Variants in MYH9 observed in about 807,000 individuals in gnomAD.
MYH9 encodes myosin-9.
Under a neutral mutation model 241.9 loss-of-function variants are expected in MYH9, and 29 were observed. That is an observed-to-expected ratio of 0.12 (90% CI 0.09 to 0.16). The LOEUF is 0.16. MYH9 is among the 10% of genes least tolerant of loss of function. The pLI is 1.00. For missense variants in MYH9, 1,803 were observed against 2,595.5 expected (o/e 0.69, Z 6.63); for synonymous variants, 1,047 against 1,062.6 (o/e 0.99, Z 0.29).
chr22:36,316,767 T>TA lies in MYH9; in HGVS notation c.1228-99dup. 2.9e-6 allele frequency: 4 copies of TA among 1,378,106 alleles called. No individual in the cohort carries two copies. The South Asian group carries it at 4.8e-5, about 16-fold the overall frequency. 85.4% of individuals were successfully genotyped at this position (1,378,106 alleles called of 1,614,324 possible). On this transcript the variant is annotated intron_variant, in intron 11 of 40. Transcript: ENST00000216181. Reference sequence around the variant, plus strand: ...AATTTCACTTTTAGAGTCCTCCCCCTAGAGGAACAGCCCTAAGTATGTGGG... The same window carrying TA: ...AATTTCACTTTTAGAGTCCTCCCCCTAAGAGGAACAGCCCTAAGTATGTGGG...
intron 12 of MYH9, among the ~76,000 whole-genome samples, chr22:36,314,523 G>A (rs1167674086): frequency 3.9e-5 from 6 of 152,222 alleles, no homozygotes; most frequent in East Asian, 3.8e-4. Context: ...GCCAGTGACC[G>A]CGGGCAGTCT....
At chr22:36,340,159 G>C (rs2017561644) in intron 3 of MYH9, among the ~76,000 whole-genome samples, 1 of 151,602 alleles carries the variant, frequency 6.6e-6, no homozygotes, top group South Asian at 2.1e-4. Flanking sequence ...CAGAGTCACA[G>C]TGTTATTAGG....
intron 1 of MYH9, among the ~76,000 whole-genome samples, chr22:36,384,937 C>A (rs1459712175): frequency 6.6e-6 from 1 of 151,948 alleles, no homozygotes; most frequent in Non-Finnish European, 1.5e-5. Context: ...CTTTTGTCAG[C>A]AGAGGACTCC....
At chr22:36,319,694 G>C in intron 9 of MYH9, 59 bp from the exon 10 acceptor site, 1 of 1,528,194 alleles carries the variant, frequency 6.5e-7, no homozygotes, top group Non-Finnish European at 9.0e-7. Flanking sequence ...ATTCCCGGGG[G>C]TGGGGGCCAC....
In MYH9 at chr22:36,306,644, A is replaced by T. The variant is rs369952105; in HGVS notation, c.1844-37T>A. 2.6e-4 allele frequency: 422 copies of T among 1,596,576 alleles called. No individual in the cohort carries two copies. Among genetic ancestry groups the T allele is most frequent in the Non-Finnish European group, 3.5e-4 (410 of 1,172,674 alleles). The stretch of plus-strand genomic sequence containing the variant: ...ACAGAGAACACGTGAGTGCCCACAC[A>T]GTTGCAGCTGGGTGGTGGGGGAGCA... On this transcript the variant is annotated intron_variant, in intron 15 of 40. Transcript: ENST00000216181. The surrounding 1 kb of genome is among the most constrained non-coding windows in gnomAD (Gnocchi z 4.1).
intron 12 of MYH9, 99 bp from the exon 13 acceptor site, chr22:36,314,417 G>A: frequency 7.0e-7 from 1 of 1,430,534 alleles, no homozygotes; most frequent in Non-Finnish European, 9.7e-7. Flanking sequence ...TACAGGAAGG[G>A]CCTCCTTGGG....
chr22:36,284,397 C>T lies in MYH9; in HGVS notation c.5592+6G>A. The stretch of plus-strand genomic sequence containing the variant: ...GCCCTTCTCACTGCCCCACCAGCGC[C>T]CACACCTGGTCCTTGTACTGCTCGG... On this transcript the variant is annotated splice_donor_region_variant and intron_variant, in intron 39 of 40. Transcript: ENST00000216181. The T allele has an allele frequency of 6.2e-7, 1 of 1,611,904 alleles. No individual in the cohort carries two copies. The highest frequency in any genetic ancestry group is 8.5e-7 in the Non-Finnish European group (1 of 1,179,980).
At chr22:36,380,286 G>C (rs966779017) in intron 1 of MYH9, among the ~76,000 whole-genome samples, 3 of 152,186 alleles carry the variant, frequency 2.0e-5, no homozygotes, top group Non-Finnish European at 4.4e-5. Flanking sequence ...AAGGGGGGTA[G>C]GGCCCTCCCA....
chr22:36,360,831 G>A (rs2146405666), intron 1 of MYH9, among the ~76,000 whole-genome samples: 1 of 152,304 alleles, frequency 6.6e-6, no homozygotes, highest in South Asian at 2.1e-4. Flanking sequence ...GGTGAGATGG[G>A]CACAAAGCCT....
intron 24 of MYH9, among the ~76,000 whole-genome samples, chr22:36,297,586 G>A (rs1047775918): frequency 1.1e-4 from 16 of 152,174 alleles, no homozygotes; most frequent in African/African-American, 3.4e-4. Context: ...ATTCCCTGCC[G>A]TGCCTTTGCC....
At chr22:36,297,255 T>A in intron 24 of MYH9, 1 of 566,854 alleles carries the variant, frequency 1.8e-6, no homozygotes, top group South Asian at 2.0e-5. Context: ...AATTAAGTAC[T>A]CTCCTAAAGC....
intron 3 of MYH9, among the ~76,000 whole-genome samples, chr22:36,340,851 T>C (rs2017575884): frequency 6.6e-6 from 1 of 151,850 alleles, no homozygotes; most frequent in Non-Finnish European, 1.5e-5. Context: ...GAGGTGGGGA[T>C]AGAGGCAGTG....
rs139798339 is a variant in MYH9, at chr22:36,320,241, T to C, written c.991A>G (p.Ile331Val). The C allele has an allele frequency of 1.2e-6, 2 of 1,614,108 alleles. No individual in the cohort carries two copies. The highest frequency in any genetic ancestry group is 1.7e-6 in the Non-Finnish European group (2 of 1,180,052). ...GTACCCATTTGCTCCTCTTCTGGGATGCCCATAATCCTCATGGCCTCCATG... is the reference window on the plus strand; with the variant it reads ...GTACCCATTTGCTCCTCTTCTGGGACGCCCATAATCCTCATGGCCTCCATG... ...ETMEAMRIMG[I>V]PEEEQMGLLR... Residue 331 changes from isoleucine to valine, a missense_variant, in exon 9 of 41, where the codon ATC (isoleucine) becomes GTC (valine). Ile to Val is a conservative substitution (Grantham distance 29). Coordinates refer to ENST00000216181, the MANE Select transcript of MYH9 (RefSeq NM_002473.6). The surrounding 1 kb of genome is among the most constrained non-coding windows in gnomAD (Gnocchi z 4.8).
At chr22:36,323,068 C>G (rs1362217176) in intron 5 of MYH9, among the ~76,000 whole-genome samples, 1 of 152,252 alleles carries the variant, frequency 6.6e-6, no homozygotes, top group Non-Finnish European at 1.5e-5. Context: ...CCATGACAGG[C>G]AGTGAGCACG....
At chr22:36,358,457 C>G (rs1436689854) in intron 1 of MYH9, among the ~76,000 whole-genome samples, 3 of 152,116 alleles carry the variant, frequency 2.0e-5, no homozygotes, top group African/African-American at 7.2e-5. Flanking sequence ...GGATTATTTC[C>G]CGCCCAGAGC....
chr22:36,284,302 G>C, intron 39 of MYH9, 37 bp from the exon 40 acceptor site: 2 of 1,605,110 alleles, frequency 1.2e-6, no homozygotes, highest in Non-Finnish European at 1.7e-6. Context: ...GCCCCGGTTA[G>C]GGGCTCTGGG....
intron 28 of MYH9, 69 bp downstream of exon 28, chr22:36,294,023 C>T: frequency 6.4e-7 from 1 of 1,560,764 alleles, no homozygotes; most frequent in Non-Finnish European, 8.7e-7. Flanking sequence ...CACACATGCA[C>T]CTGGGGACCT....
chr22:36,293,874 CG>C lies in MYH9; in HGVS notation c.3838-12del. The C allele has an allele frequency of 6.2e-7, 1 of 1,609,818 alleles. No homozygotes were observed. Among genetic ancestry groups the C allele is most frequent in the Non-Finnish European group, 8.5e-7 (1 of 1,178,092 alleles). ...GTTGTCCAGCTCCACCTGCACCGGG[CG>C]GGGAGACACAAAGGACCATGGACCC... On this transcript the variant is annotated splice_polypyrimidine_tract_variant and intron_variant, in intron 28 of 40. Coordinates refer to ENST00000216181, the MANE Select transcript of MYH9 (RefSeq NM_002473.6). This position sits in a 1 kb window ranked among gnomAD's most constrained non-coding sequence, Gnocchi z 5.1.
In MYH9 at chr22:36,282,790, G is replaced by A. The variant is rs746967490; in HGVS notation, c.5766-5C>T. The A allele has an allele frequency of 9.6e-5, 154 of 1,607,820 alleles. No homozygotes were observed. The highest frequency in any genetic ancestry group is 1.3e-4 in the Non-Finnish European group (148 of 1,179,132). On this transcript the variant is annotated splice_region_variant and splice_polypyrimidine_tract_variant and intron_variant, in intron 40 of 40. Transcript: ENST00000216181. ...ACAAACGGCAGGTCCCCGCGCCTGG[G>A]GGCAGAGGTAGAAGCAGAGGGTCAG... is the stretch of plus-strand genomic sequence containing the variant.
Sources: gnomAD v4.1 joint callset for allele counts (sites outside exome capture counted in the v4.1 genomes callset) on GRCh38, gnomAD v4.1.1 for gene constraint, Gnocchi (gnomAD v3.1) non-coding constraint, MANE v1.5 for transcripts, NCBI Gene and HGNC (gene_info 2026-07-23, HGNC 2026-07-21) for gene names.